SLC9B1: variants seen among roughly 807,000 people sequenced by gnomAD.
The protein encoded by SLC9B1 is solute carrier family 9 member B1.
SLC9B1 carries 32 observed loss-of-function variants against 51.7 expected under a neutral mutation model. The ratio of observed to expected loss-of-function variants is 0.62; its 90% CI spans 0.47 to 0.83. SLC9B1 has a LOEUF of 0.83. Among genes scored for constraint, SLC9B1 ranks in the 40% least tolerant of loss-of-function variants. The pLI is 0.00. For missense variants in SLC9B1, 406 were observed against 613.2 expected (o/e 0.66, Z 3.57); for synonymous variants, 145 against 212.7 (o/e 0.68, Z 2.77).
exon 12 of SLC9B1, chr4:102,885,290 C>T: frequency 6.2e-7 from 1 of 1,614,080 alleles, no homozygotes; most frequent in Non-Finnish European, 8.5e-7. Context: ...TCGTCCATTC[C>T]TCCCGAAGAA....
At chr4:102,938,021 T>C (rs1736808534) in intron 6 of SLC9B1, among the ~76,000 whole-genome samples, 1 of 152,036 alleles carries the variant, frequency 6.6e-6, no homozygotes, top group African/African-American at 2.4e-5. Flanking sequence ...AAGCTATAAA[T>C]ATCAATATTA....
chr4:102,983,332 G>C (rs953922891), intron 3 of SLC9B1, among the ~76,000 whole-genome samples: 4 of 152,060 alleles, frequency 2.6e-5, no homozygotes, highest in Non-Finnish European at 5.9e-5. Context: ...ATGTGCATGA[G>C]AGATATTGGT....
rs138687823 is a variant in SLC9B1, at chr4:102,944,102, A to G, written c.653+1091T>C. Among the ~76,000 whole-genome samples, 811 of 152,264 alleles carry G rather than the reference A, an allele frequency of 5.3e-3. 9 individuals carry two copies. Among genetic ancestry groups the G allele is most frequent in the African/African-American group, 0.019 (769 of 41,550 alleles). ...GAGCAACGTGGATGGAGTTGAGGCC[A>G]TTATCCTAAGTGAATTAACACAGGA... On this transcript the variant is annotated intron_variant, in intron 6 of 11. Coordinates refer to ENST00000296422, the MANE Select transcript of SLC9B1 (RefSeq NM_139173.4).
intron 4 of SLC9B1, 77 bp from the exon 5 acceptor site, chr4:102,946,866 T>C (rs2110474105): frequency 1.5e-6 from 2 of 1,326,262 alleles, no homozygotes; most frequent in South Asian, 3.0e-5. Flanking sequence ...CTTTCTTTTC[T>C]AATGCACTAT....
At chr4:102,936,012 CTGGCACACCCCATCAGAG>C (rs944888087) in intron 6 of SLC9B1, among the ~76,000 whole-genome samples, 54 of 152,212 alleles carry the variant, frequency 3.5e-4, no homozygotes, top group African/African-American at 1.3e-3. Flanking sequence ...AGCACTCTGG[CTGGCACACCCCATCAGAG>C]TGTTGTTGCC....
At chr4:102,975,586 ATTTTTT>A (rs1197166005) in intron 3 of SLC9B1, among the ~76,000 whole-genome samples, 62 of 62,310 alleles carry the variant, frequency 1.0e-3, no homozygotes, top group African/African-American at 4.5e-3. Flanking sequence ...ATATATATAT[ATTTTTT>A]TTTTTTTTTT....
intron 1 of SLC9B1, among the ~76,000 whole-genome samples, chr4:103,018,928 C>A (rs763324911): frequency 3.3e-5 from 5 of 152,184 alleles, no homozygotes; most frequent in Non-Finnish European, 7.3e-5. Flanking sequence ...CTCATAGGAG[C>A]ACAGACCTGA....
chr4:102,938,087 G>T (rs1371539035), intron 6 of SLC9B1, among the ~76,000 whole-genome samples: 1 of 152,080 alleles, frequency 6.6e-6, no homozygotes, highest in Non-Finnish European at 1.5e-5. Context: ...ATGGCAAGTT[G>T]GATAAAGAAG....
intron 7 of SLC9B1, among the ~76,000 whole-genome samples, chr4:102,912,732 C>T (rs4533776): frequency 0.55 from 83,156 of 151,856 alleles, 23,340 homozygotes; most frequent in African/African-American, 0.68. Context: ...AAATAAAAAA[C>T]TAGCCCGGTA....
At chr4:102,951,883 C>G (rs1364742584) in intron 3 of SLC9B1, among the ~76,000 whole-genome samples, 2 of 142,014 alleles carry the variant, frequency 1.4e-5, no homozygotes, top group Non-Finnish European at 3.0e-5. Context: ...CAAATGAGTT[C>G]TAATCAGGAT....
At chr4:102,910,615 T>A (rs759100314) in intron 8 of SLC9B1, 27 bp from the exon 9 acceptor site, 3 of 1,036,172 alleles carry the variant, frequency 2.9e-6, no homozygotes, top group Non-Finnish European at 3.9e-6. Flanking sequence ...ATTTAGAAAT[T>A]AGTTTATATT....
At chr4:103,004,350 A>G (rs76767564) in intron 1 of SLC9B1, among the ~76,000 whole-genome samples, 2,150 of 152,330 alleles carry the variant, frequency 0.014, 18 homozygotes, top group Middle Eastern at 0.024. Flanking sequence ...GAGCTTGAAG[A>G]CCATTTCTTT....
chr4:102,989,829 CT>C lies in SLC9B1; in HGVS notation c.181del (p.Arg61GlufsTer4). ...KKETYISCPL[R>X]GVLNVIITNG... is the part of the protein sequence containing the mutation. ...TGTAATAATTACATTCAATACTCCT[CT>C]TAGAGGACAAGAAATGTATGTCTCC... On this transcript the variant is annotated frameshift_variant, in exon 3 of 12. Transcript: ENST00000296422. 1 of 1,597,730 alleles carries C rather than the reference CT, an allele frequency of 6.3e-7. No individual in the cohort carries two copies.
At chr4:103,011,691 G>A (rs182653814) in intron 1 of SLC9B1, among the ~76,000 whole-genome samples, 1 of 152,180 alleles carries the variant, frequency 6.6e-6, no homozygotes, top group Non-Finnish European at 1.5e-5. Context: ...GCACCACCAA[G>A]GTTTACTGTT....
rs751956686 is a variant in SLC9B1, at chr4:102,906,648, T to C, written c.1087-4A>G. On this transcript the variant is annotated splice_region_variant and splice_polypyrimidine_tract_variant and intron_variant, in intron 9 of 11. Transcript: ENST00000296422. Reference sequence around the variant, plus strand: ...TAATAATCTTTTGGACTTTCATCTATAGAAAAGAGAAATACATTTATAATG... The same window carrying C: ...TAATAATCTTTTGGACTTTCATCTACAGAAAAGAGAAATACATTTATAATG... 12 of 1,480,742 alleles carry C rather than the reference T, an allele frequency of 8.1e-6. No homozygotes were observed. Among genetic ancestry groups the C allele is most frequent in the South Asian group, 4.7e-5 (4 of 85,192 alleles). 91.7% of individuals were successfully genotyped at this position (1,480,742 alleles called of 1,614,324 possible).
intron 1 of SLC9B1, among the ~76,000 whole-genome samples, chr4:103,005,363 C>G (rs2110534383): frequency 6.6e-6 from 1 of 151,486 alleles, no homozygotes; most frequent in Middle Eastern, 3.5e-3. Flanking sequence ...CAAAGAAGGA[C>G]ATTACATAAT....
At chr4:102,906,830 A>C (rs1045060742) in intron 9 of SLC9B1, among the ~76,000 whole-genome samples, 186 bp from the exon 10 acceptor site, 4 of 152,204 alleles carry the variant, frequency 2.6e-5, no homozygotes, top group East Asian at 3.8e-4. Flanking sequence ...TCCTGGGCTC[A>C]AGTGATCCTC....
chr4:102,979,240 G>A (rs2110508135), intron 3 of SLC9B1, among the ~76,000 whole-genome samples: 1 of 152,256 alleles, frequency 6.6e-6, no homozygotes, highest in African/African-American at 2.4e-5. Context: ...AACCTGATTG[G>A]TGAGAACCTC....
rs182367887 is a variant in SLC9B1 at position 102,926,203 on chromosome 4, C to G, written c.829+5921G>C. Among the ~76,000 whole-genome samples the G allele has an allele frequency of 1.0e-2, 1,520 of 152,368 alleles. 4 individuals carry two copies. The highest frequency in any genetic ancestry group is 0.034 in the African/African-American group (1,399 of 41,576). On this transcript the variant is annotated intron_variant, in intron 7 of 11. Transcript: ENST00000296422. ...AACCGGCACAAGACAAGGATGCCCT[C>G]TCTCACCACTCCTATTCAACATGGT... is the stretch of plus-strand genomic sequence containing the variant.
Sources: allele counts gnomAD v4.1 joint callset (sites outside exome capture counted in the v4.1 genomes callset), GRCh38; gene constraint gnomAD v4.1.1; transcripts MANE v1.5; gene names NCBI Gene and HGNC (gene_info 2026-07-23, HGNC 2026-07-21).